Variants in DIAPH2 observed in about 807,000 individuals in gnomAD.
The protein encoded by DIAPH2 is diaphanous related formin 2, also known as protein diaphanous homolog 2.
DIAPH2 carries 35 observed loss-of-function variants against 92.7 expected under a neutral mutation model. The ratio of observed to expected loss-of-function variants is 0.38; its 90% confidence interval spans 0.29 to 0.50. The LOEUF is 0.50. DIAPH2 is among the 20% of genes least tolerant of loss of function. The pLI is 0.94. For synonymous variants in DIAPH2, 301 were observed against 280.4 expected (o/e 1.07, Z -0.73); for missense variants, 701 against 819.5 (o/e 0.86, Z 1.77).
At chrX:97,215,569 T>C (rs2067876634) in intron 22 of DIAPH2, among the ~76,000 whole-genome samples, 1 of 111,512 alleles carries the variant, frequency 9.0e-6, no homozygotes, top group African/African-American at 3.3e-5. Flanking sequence ...CTCCACTCAG[T>C]TTTCTGTCAT....
At chrX:96,766,027 A>G in intron 4 of DIAPH2, among the ~76,000 whole-genome samples, 1 of 110,798 alleles carries the variant, frequency 9.0e-6, no homozygotes, top group East Asian at 2.8e-4. Flanking sequence ...CCATGTTTAT[A>G]GCTCTATTGT....
intron 16 of DIAPH2, among the ~76,000 whole-genome samples, chrX:96,961,522 C>T (rs1254277483): frequency 9.8e-6 from 1 of 102,363 alleles, no homozygotes. Context: ...TAATCTCTGT[C>T]TGGCTCAGTT....
chrX:97,100,974 CAGAT>C (rs2066902292), intron 20 of DIAPH2, among the ~76,000 whole-genome samples: 1 of 111,825 alleles, frequency 8.9e-6, no homozygotes, highest in South Asian at 3.7e-4. Context: ...TGTTTGGGAT[CAGAT>C]AGAGCATATA....
At chrX:97,473,726 C>T (rs1266256360) in intron 26 of DIAPH2, among the ~76,000 whole-genome samples, 1 of 111,669 alleles carries the variant, frequency 9.0e-6, no homozygotes, top group East Asian at 2.9e-4. Context: ...TTTGGGAGGC[C>T]GAGGTAGGTG....
At chrX:97,383,438 AT>A (rs1424856801) in intron 24 of DIAPH2, among the ~76,000 whole-genome samples, 1 of 109,436 alleles carries the variant, frequency 9.1e-6, no homozygotes, top group Non-Finnish European at 1.9e-5. Context: ...CTTAATCTCA[AT>A]TTTGCAGATA....
chrX:97,063,304 G>A (rs1489762606), intron 17 of DIAPH2, among the ~76,000 whole-genome samples: 1 of 111,209 alleles, frequency 9.0e-6, no homozygotes, highest in Non-Finnish European at 1.9e-5. Context: ...CATAGAATAA[G>A]AACTGTATTA....
chrX:97,009,934 AC>A (rs2066212690), intron 17 of DIAPH2, among the ~76,000 whole-genome samples: 1 of 111,643 alleles, frequency 9.0e-6, no homozygotes, highest in Non-Finnish European at 1.9e-5. Context: ...CCCTTGGCTG[AC>A]CCTAATGGTA....
At chrX:96,852,904 C>T (rs1181956569) in intron 4 of DIAPH2, among the ~76,000 whole-genome samples, 3 of 111,674 alleles carry the variant, frequency 2.7e-5, no homozygotes, top group East Asian at 5.6e-4. Flanking sequence ...AATACCTTTA[C>T]CAAGTTACAG....
At chrX:97,304,786 TAGTCATTGCAATGTTGTAAAGTG>T (rs1381222717) in intron 23 of DIAPH2, among the ~76,000 whole-genome samples, 1 of 112,349 alleles carries the variant, frequency 8.9e-6, no homozygotes, top group Non-Finnish European at 1.9e-5. Context: ...TATGCTGATA[TAGTCATTGCAATGTTGTAAAGTG>T]AGTATTTTGC....
intron 22 of DIAPH2, among the ~76,000 whole-genome samples, chrX:97,167,053 C>G (rs1179805647): frequency 3.6e-5 from 4 of 111,753 alleles, no homozygotes; most frequent in Non-Finnish European, 7.5e-5. Context: ...TCCTCTGCCA[C>G]ATAGCGTTTC....
At chrX:96,690,475 C>T (rs1354631042) in intron 1 of DIAPH2, among the ~76,000 whole-genome samples, 1 of 111,179 alleles carries the variant, frequency 9.0e-6, no homozygotes, top group African/African-American at 3.3e-5. Context: ...TTTTATTAAC[C>T]CCTTATATTA....
At chrX:97,294,451 A>G (rs977226578) in intron 23 of DIAPH2, among the ~76,000 whole-genome samples, 3 of 112,197 alleles carry the variant, frequency 2.7e-5, no homozygotes, top group African/African-American at 9.7e-5. Context: ...CCAAACATGC[A>G]GATTATTTCT....
chrX:96,793,918 A>G (rs2064519711), intron 4 of DIAPH2, among the ~76,000 whole-genome samples: 1 of 112,266 alleles, frequency 8.9e-6, no homozygotes, highest in African/African-American at 3.2e-5. Context: ...ACAGCTAGTA[A>G]GGTAGAAAGA....
chrX:96,727,829 C>T (rs183070045), intron 1 of DIAPH2, among the ~76,000 whole-genome samples: 54 of 110,114 alleles, frequency 4.9e-4, no homozygotes, highest in African/African-American at 1.7e-3. Flanking sequence ...GGATGGATCA[C>T]GAGGTCAGAA....
chrX:97,564,077 G>A (rs1404783266), intron 26 of DIAPH2, among the ~76,000 whole-genome samples: 1 of 111,945 alleles, frequency 8.9e-6, no homozygotes, highest in African/African-American at 3.2e-5. Flanking sequence ...AAAATTCCCT[G>A]TTATGAAAGA....
intron 17 of DIAPH2, among the ~76,000 whole-genome samples, chrX:97,058,239 G>A (rs1016711705): frequency 6.3e-5 from 7 of 111,380 alleles, no homozygotes; most frequent in Non-Finnish European, 1.3e-4. Context: ...TTGACAATCA[G>A]GTGCCTTCTT....
intron 4 of DIAPH2, among the ~76,000 whole-genome samples, chrX:96,805,011 AAAAAGTAGGGTAATAC>A (rs1179868997): frequency 2.2e-4 from 24 of 111,287 alleles, no homozygotes; most frequent in Admixed American, 5.8e-4. Context: ...ACATGCAAAC[AAAAAGTAGGGTAATAC>A]TGAGGTGAGT....
intron 21 of DIAPH2, among the ~76,000 whole-genome samples, chrX:97,122,155 A>C (rs1352301911): frequency 9.0e-6 from 1 of 111,691 alleles, no homozygotes; most frequent in Non-Finnish European, 1.9e-5. Flanking sequence ...GTATTCTGAA[A>C]ATGGGGAAAA....
intron 1 of DIAPH2, among the ~76,000 whole-genome samples, chrX:96,709,550 T>C (rs1602443315): frequency 8.9e-6 from 1 of 112,026 alleles, no homozygotes; most frequent in South Asian, 3.7e-4. Flanking sequence ...GGATGGTTTA[T>C]GAAAGGAAGA....
Sources: gnomAD v4.1 joint callset for allele counts (sites outside exome capture counted in the v4.1 genomes callset) on GRCh38, gnomAD v4.1.1 for gene constraint, MANE v1.5 for transcripts, NCBI Gene and HGNC (gene_info 2026-07-23, HGNC 2026-07-21) for gene names.